PTPRJ: variants seen among roughly 807,000 people sequenced by gnomAD.
The protein encoded by PTPRJ is receptor-type tyrosine-protein phosphatase eta.
In PTPRJ, 129 loss-of-function variants were observed where a neutral mutation model predicts 141.3. That is an observed-to-expected ratio of 0.91 (90% CI 0.79 to 1.06). The LOEUF (loss-of-function observed/expected upper bound fraction) is 1.06, where lower values mean the gene tolerates loss of function less well. Ranked by LOEUF, PTPRJ falls within the 50% of genes least tolerant of loss-of-function variation. The probability of loss-of-function intolerance (pLI) is 0.00; values close to 1 mark genes in which losing one functional copy is unlikely to be tolerated. For synonymous variants in PTPRJ, 610 were observed against 640.5 expected, an observed-to-expected ratio of 0.95 and a Z score of 0.72; for missense variants, 1,601 against 1,679.7, an observed-to-expected ratio of 0.95 and a Z score of 0.82.
intron 1 of PTPRJ, among the ~76,000 whole-genome samples, chr11:48,054,974 T>C (rs1213530712): frequency 6.6e-6 from 1 of 151,962 alleles, no homozygotes; most frequent in Non-Finnish European, 1.5e-5. Flanking sequence ...TGCTTGAGTC[T>C]AGGAGTTCAA....
At position 48,139,694 on chromosome 11, in the gene PTPRJ, C is replaced by T; in HGVS notation, c.2361C>T (p.Thr787=). The change falls in exon 11 of 25, where the codon ACC becomes ACT. Residue 787 remains threonine, a synonymous_variant. Coordinates refer to ENST00000418331, the MANE Select transcript of PTPRJ (RefSeq NM_002843.4). ...RTEVTYLNFS[T]SYNISITTVS... is the part of the protein sequence containing the mutation. Reference sequence around the variant, plus strand: ...AAGTCACGTATTTGAATTTTTCTACCTCGTACAACATCAGCATCACCACTG... The same window carrying T: ...AAGTCACGTATTTGAATTTTTCTACTTCGTACAACATCAGCATCACCACTG... The T allele has an allele frequency of 6.2e-7, 1 of 1,614,136 alleles. No homozygotes were observed. Among genetic ancestry groups the T allele is most frequent in the African/African-American group, 1.3e-5 (1 of 75,038 alleles).
chr11:48,022,879 G>A (rs1448383996), intron 1 of PTPRJ, among the ~76,000 whole-genome samples: 2 of 152,176 alleles, frequency 1.3e-5, no homozygotes, highest in African/African-American at 4.8e-5. Context: ...CTGGGAAGAT[G>A]CAGGAGGAAG....
chr11:48,150,154 T>TC lies in PTPRJ; in HGVS notation c.3111dup (p.Asn1038GlnfsTer17). 6.2e-7 allele frequency: 1 copy of TC among 1,614,168 alleles called. No individual in the cohort carries two copies. Among genetic ancestry groups the TC allele is most frequent in the Non-Finnish European group, 8.5e-7 (1 of 1,179,978 alleles). The stretch of plus-strand genomic sequence containing the variant: ...CTACTTCAAGAAGCAGCAAGCTGAC[T>TC]CCAACTGTGGGTTCGCAGAGGAATA... On this transcript the variant is annotated frameshift_variant, in exon 18 of 25. Coordinates refer to ENST00000418331, the MANE Select transcript of PTPRJ (RefSeq NM_002843.4). LOFTEE classifies it high-confidence loss of function.
intron 2 of PTPRJ, among the ~76,000 whole-genome samples, chr11:48,110,644 T>G (rs1420411484): frequency 6.6e-6 from 1 of 152,262 alleles, no homozygotes; most frequent in Non-Finnish European, 1.5e-5. Flanking sequence ...TAGTTGAAAT[T>G]GTAATACATT....
At chr11:48,088,175 C>G (rs1855766847) in intron 1 of PTPRJ, among the ~76,000 whole-genome samples, 1 of 152,224 alleles carries the variant, frequency 6.6e-6, no homozygotes, top group Non-Finnish European at 1.5e-5. Flanking sequence ...TCTTCCCTTT[C>G]TTGAGATGAC....
At chr11:48,029,827 GAAAGA>G (rs1464133211) in intron 1 of PTPRJ, among the ~76,000 whole-genome samples, 2 of 152,176 alleles carry the variant, frequency 1.3e-5, no homozygotes, top group Non-Finnish European at 2.9e-5. Context: ...CTGCGTAAGA[GAAAGA>G]AGGAAAATAG....
chr11:48,135,215 CCCAGGCTGGAGTGCGATGGCGCG>C (rs1353649936), intron 8 of PTPRJ, among the ~76,000 whole-genome samples: 5 of 145,416 alleles, frequency 3.4e-5, no homozygotes, highest in African/African-American at 1.3e-4. Context: ...GCTCTTGTTG[CCCAGGCTGGAGTGCGATGGCGCG>C]ATCTTGGCTC....
intron 18 of PTPRJ, among the ~76,000 whole-genome samples, chr11:48,152,363 G>A (rs1390239385): frequency 1.6e-4 from 24 of 152,194 alleles, no homozygotes; most frequent in Non-Finnish European, 5.9e-5. Context: ...TGTCAGATGG[G>A]TAGATTGCAA....
At chr11:47,981,780 C>A (rs1479186232) in intron 1 of PTPRJ, among the ~76,000 whole-genome samples, 1 of 151,762 alleles carries the variant, frequency 6.6e-6, no homozygotes, top group African/African-American at 2.4e-5. Flanking sequence ...GGGGCTGAGG[C>A]AGAGCAGCTG....
intron 1 of PTPRJ, among the ~76,000 whole-genome samples, chr11:48,079,180 C>T (rs1855495112): frequency 6.6e-6 from 1 of 151,950 alleles, no homozygotes; most frequent in African/African-American, 2.4e-5. Context: ...CACAAAAAAT[C>T]TCAAAATGTT....
chr11:48,136,640 G>A (rs1857108608), intron 9 of PTPRJ, among the ~76,000 whole-genome samples: 1 of 152,196 alleles, frequency 6.6e-6, no homozygotes, highest in Non-Finnish European at 1.5e-5. Context: ...GCAACAGTTA[G>A]GGAGGTGTTT....
At chr11:48,148,457 GAC>G (rs1355721333) in intron 15 of PTPRJ, among the ~76,000 whole-genome samples, 5 of 150,244 alleles carry the variant, frequency 3.3e-5, no homozygotes, top group Non-Finnish European at 5.9e-5. Flanking sequence ...TTTTTTTTGA[GAC>G]AGAGTTTCGT....
intron 11 of PTPRJ, among the ~76,000 whole-genome samples, chr11:48,141,937 TG>T (rs1857239366): frequency 9.3e-6 from 1 of 107,950 alleles, no homozygotes; most frequent in Non-Finnish European, 2.3e-5. Flanking sequence ...TTCCCCAATG[TG>T]TTTTTTTTTT....
chr11:47,997,564 T>C (rs768559115), intron 1 of PTPRJ, among the ~76,000 whole-genome samples: 7 of 152,196 alleles, frequency 4.6e-5, no homozygotes, highest in Non-Finnish European at 8.8e-5. Flanking sequence ...CCTAGTGTTT[T>C]CAGCCTCGGC....
intron 1 of PTPRJ, among the ~76,000 whole-genome samples, chr11:48,064,442 G>A (rs531725440): frequency 1.1e-4 from 17 of 152,150 alleles, no homozygotes; most frequent in Non-Finnish European, 2.1e-4. Flanking sequence ...AGCAGCAGTC[G>A]GAGCTGCAGG....
chr11:48,146,341 G>T (rs1857349956), intron 14 of PTPRJ, among the ~76,000 whole-genome samples: 1 of 152,178 alleles, frequency 6.6e-6, no homozygotes, highest in African/African-American at 2.4e-5. Context: ...GAGGCTAATG[G>T]ACTGGCTGGT....
At chr11:48,164,772 G>A (rs1359676403) in intron 24 of PTPRJ, among the ~76,000 whole-genome samples, 3 of 151,402 alleles carry the variant, frequency 2.0e-5, no homozygotes, top group Non-Finnish European at 4.4e-5. Context: ...CTCCATGTTG[G>A]CCAGGCTGGT....
At chr11:48,046,340 C>T (rs1854395931) in intron 1 of PTPRJ, 1 of 152,250 alleles carries the variant, frequency 6.6e-6, no homozygotes, top group Non-Finnish European at 1.5e-5. Context: ...AGGTATGAGC[C>T]ACCATGCCCA....
chr11:48,143,663 C>A (rs1462272944), intron 12 of PTPRJ, among the ~76,000 whole-genome samples: 1 of 152,176 alleles, frequency 6.6e-6, no homozygotes, highest in Non-Finnish European at 1.5e-5. Flanking sequence ...GGCTCTGTTA[C>A]ATTCTTTTGT....
Sources: gnomAD v4.1 joint callset for allele counts (sites outside exome capture counted in the v4.1 genomes callset) on GRCh38, gnomAD v4.1.1 for gene constraint, MANE v1.5 for transcripts, NCBI Gene and HGNC (gene_info 2026-07-23, HGNC 2026-07-21) for gene names.